ZFYVE9: variants seen among roughly 807,000 people sequenced by gnomAD.
ZFYVE9 encodes zinc finger FYVE domain-containing protein 9.
ZFYVE9 carries 43 observed loss-of-function variants against 126.7 expected under a neutral mutation model. The ratio of observed to expected loss-of-function variants is 0.34; its 90% CI spans 0.27 to 0.44. The LOEUF is 0.44. Ranked by LOEUF, ZFYVE9 falls within the 20% of genes least tolerant of loss-of-function variation. ZFYVE9 has a pLI of 1.00. For synonymous variants in ZFYVE9, 521 were observed against 597.4 expected, an observed-to-expected ratio of 0.87 and a Z score of 1.87; for missense variants, 1,476 against 1,697.0, an observed-to-expected ratio of 0.87 and a Z score of 2.29.
chr1:52,337,157 C>T lies in ZFYVE9; in HGVS notation c.3671-615C>T, dbSNP rs555143898. On this transcript the variant is annotated intron_variant, in intron 15 of 18. Transcript: ENST00000287727. ...ATTATTTCATTGTGTGTCAGTGAAG[C>T]AGAGTAATTGCTCAGCATGTGACAA... Among the ~76,000 whole-genome samples, 5 of 152,202 alleles carry T rather than the reference C, an allele frequency of 3.3e-5. No homozygotes were observed. In the East Asian group the frequency reaches 9.6e-4, roughly 29 times the overall value.
intron 12 of ZFYVE9, among the ~76,000 whole-genome samples, chr1:52,298,806 G>GTTTTTTTTT (rs747544817): frequency 9.2e-6 from 1 of 109,198 alleles, no homozygotes; most frequent in Non-Finnish European, 1.8e-5. Context: ...CTTTGTCAAT[G>GTTTTTTTTT]TTTTTTTTTT....
At chr1:52,331,354 A>G (rs971945619) in intron 13 of ZFYVE9, among the ~76,000 whole-genome samples, 7 of 152,028 alleles carry the variant, frequency 4.6e-5, no homozygotes, top group African/African-American at 1.4e-4. Flanking sequence ...GCATGTGCCT[A>G]TATAATCCCA....
chr1:52,215,139 TTTTG>T (rs1373348162), intron 1 of ZFYVE9, among the ~76,000 whole-genome samples: 1 of 152,202 alleles, frequency 6.6e-6, no homozygotes, highest in African/African-American at 2.4e-5. Context: ...ATAGAGTTAA[TTTTG>T]TTTAAGAAAA....
At chr1:52,156,355 CT>C (rs1204199981) in intron 1 of ZFYVE9, among the ~76,000 whole-genome samples, 1 of 152,146 alleles carries the variant, frequency 6.6e-6, no homozygotes, top group Non-Finnish European at 1.5e-5. Flanking sequence ...AGGGGCTAGA[CT>C]TTTGAATTAC....
At chr1:52,249,332 C>T (rs1645421060) in intron 4 of ZFYVE9, among the ~76,000 whole-genome samples, 1 of 152,120 alleles carries the variant, frequency 6.6e-6, no homozygotes, top group African/African-American at 2.4e-5. Flanking sequence ...TTGATATAGC[C>T]ATATTAATAG....
At chr1:52,220,918 T>C (rs1026310863) in intron 2 of ZFYVE9, among the ~76,000 whole-genome samples, 1 of 152,216 alleles carries the variant, frequency 6.6e-6, no homozygotes, top group African/African-American at 2.4e-5. Flanking sequence ...TTTCAAAAGA[T>C]GGATTCTTTT....
At chr1:52,180,079 G>A (rs1644683460) in intron 1 of ZFYVE9, 1 of 868,680 alleles carries the variant, frequency 1.2e-6, no homozygotes, top group African/African-American at 1.6e-5. Context: ...CTGGCTGAGT[G>A]GAAAGCAACT....
At chr1:52,218,252 A>G (rs555692958) in intron 2 of ZFYVE9, among the ~76,000 whole-genome samples, 6 of 152,218 alleles carry the variant, frequency 3.9e-5, no homozygotes, top group Admixed American at 3.3e-4. Flanking sequence ...CAGTGTACCA[A>G]ATATTGGTCC....
chr1:52,181,567 C>G (rs901492773), intron 1 of ZFYVE9, among the ~76,000 whole-genome samples: 1 of 151,876 alleles, frequency 6.6e-6, no homozygotes, highest in African/African-American at 2.4e-5. Context: ...TGAGGAGCCC[C>G]TCTGCCTGGC....
chr1:52,282,713 T>G (rs1645816288), intron 10 of ZFYVE9, among the ~76,000 whole-genome samples: 4 of 152,162 alleles, frequency 2.6e-5, no homozygotes, highest in Admixed American at 2.6e-4. Context: ...AATGAAAGGG[T>G]TTATTGCAAC....
rs1440679520 is a variant in ZFYVE9, at chr1:52,238,226, T to A, written c.809T>A (p.Ile270Asn). Residue 270 changes from isoleucine to asparagine, a missense_variant, in exon 4 of 19, where the codon ATC (isoleucine) becomes AAC (asparagine). By Grantham distance (149) the Ile-to-Asn change is moderately radical. Around this residue, in one of 2 missense-constraint regions of ZFYVE9, gnomAD observed 807 missense variants for 794.6 expected, o/e 1.02. Coordinates refer to ENST00000287727, the MANE Select transcript of ZFYVE9 (RefSeq NM_004799.4). ...ACAAGTTTAACGGTTGATTCAGTAA[T>A]CTCATCCCAGGGAACAGATGGATGT... ...AITSLTVDSV[I>N]SSQGTDGCPA... 6.2e-7 allele frequency: 1 copy of A among 1,614,062 alleles called. No homozygotes were observed. The highest frequency in any genetic ancestry group is 8.5e-7 in the Non-Finnish European group (1 of 1,179,972).
At chr1:52,340,971 C>T (rs1186852205) in intron 17 of ZFYVE9, among the ~76,000 whole-genome samples, 1 of 150,546 alleles carries the variant, frequency 6.6e-6, no homozygotes, top group Non-Finnish European at 1.5e-5. Flanking sequence ...GTAATCCCAG[C>T]ACTTTGAGGG....
Position 52,237,821 on chromosome 1 carries a change from A to T in ZFYVE9, c.404A>T (p.Lys135Ile), listed in dbSNP as rs745891144. 1 of 1,614,112 alleles carries T rather than the reference A, an allele frequency of 6.2e-7. No individual in the cohort carries two copies. Among genetic ancestry groups the T allele is most frequent in the South Asian group, 1.1e-5 (1 of 91,080 alleles). ...AGTGCTGTTGAAGTGGGAGAGAAGA[A>T]ATGTGGAAACCTGGCTTGTCTGCCA... The part of the protein sequence containing the change: ...QCSAVEVGEK[K>I]CGNLACLPDE... The change falls in exon 4 of 19, where the codon AAA becomes ATA. Residue 135 changes from lysine (K) to isoleucine (I), a missense_variant. Lys to Ile is a moderately radical substitution (Grantham distance 102). This residue lies in a region of ZFYVE9 where 807 missense variants were observed against 794.6 expected (regional missense o/e 1.02). Coordinates refer to ENST00000287727, the MANE Select transcript of ZFYVE9 (RefSeq NM_004799.4).
chr1:52,233,685 G>A (rs923963713), intron 3 of ZFYVE9, among the ~76,000 whole-genome samples: 4 of 152,218 alleles, frequency 2.6e-5, no homozygotes, highest in Non-Finnish European at 1.5e-5. Flanking sequence ...GCCCAATAAA[G>A]TAAAGATACA....
At chr1:52,299,295 A>G (rs1009748128) in intron 12 of ZFYVE9, among the ~76,000 whole-genome samples, 13 of 152,246 alleles carry the variant, frequency 8.5e-5, no homozygotes, top group African/African-American at 2.9e-4. Context: ...GAATTTGTTC[A>G]TTAGCTCTAA....
rs754840304 is a variant in ZFYVE9 at position 52,238,771 on chromosome 1, A to G, written c.1354A>G (p.Thr452Ala). Residue 452 changes from threonine (T) to alanine (A), a missense_variant, in exon 4 of 19, where the codon ACT becomes GCT. Thr to Ala is a moderately conservative substitution (Grantham distance 58). This residue lies in a region of ZFYVE9 where 807 missense variants were observed against 794.6 expected (regional missense o/e 1.02). Coordinates refer to ENST00000287727, the MANE Select transcript of ZFYVE9 (RefSeq NM_004799.4). Reference sequence around the variant, plus strand: ...AGATGCAGGTCTAGATTTAAAAGGAACTTGCATTAGTGAAAGTGAAGAATG... The same window carrying G: ...AGATGCAGGTCTAGATTTAAAAGGAGCTTGCATTAGTGAAAGTGAAGAATG... ...LADAGLDLKG[T>A]CISESEECDF... 3.7e-6 allele frequency: 6 copies of G among 1,613,982 alleles called. No homozygotes were observed. In the African/African-American group the frequency reaches 4.0e-5, roughly 11 times the overall value.
chr1:52,240,879 CATG>C (rs2124633684), intron 4 of ZFYVE9, among the ~76,000 whole-genome samples: 1 of 152,154 alleles, frequency 6.6e-6, no homozygotes, highest in African/African-American at 2.4e-5. Context: ...TCTAATCAAT[CATG>C]ATTTATCTCC....
At chr1:52,265,684 A>G (rs183991754) in intron 5 of ZFYVE9, among the ~76,000 whole-genome samples, 4 of 152,348 alleles carry the variant, frequency 2.6e-5, no homozygotes, top group Non-Finnish European at 4.4e-5. Flanking sequence ...AGACACACCA[A>G]AGATGTGAAA....
intron 15 of ZFYVE9, among the ~76,000 whole-genome samples, chr1:52,336,390 G>A (rs1159423613): frequency 4.0e-4 from 39 of 97,992 alleles, no homozygotes; most frequent in African/African-American, 1.1e-3. Context: ...TTTTTTTTAA[G>A]ATGGAGGCTT....
Sources: allele counts gnomAD v4.1 joint callset (sites outside exome capture counted in the v4.1 genomes callset), GRCh38; gene constraint gnomAD v4.1.1; regional missense constraint gnomAD v4.1.1; transcripts MANE v1.5; gene names NCBI Gene and HGNC (gene_info 2026-07-23, HGNC 2026-07-21).